The following SMG1 variants were observed in gnomAD, a reference collection of about 807,000 sequenced individuals.
The protein encoded by SMG1 is serine/threonine-protein kinase SMG1.
In SMG1, 22 loss-of-function variants were observed where a neutral mutation model predicts 419.9. The observed-to-expected ratio is 0.05, with a 90% CI of 0.04 to 0.07. The LOEUF is 0.07. Among genes scored for constraint, SMG1 ranks in the 10% least tolerant of loss-of-function variants. The probability of loss-of-function intolerance (pLI) is 1.00; values close to 1 mark genes in which losing one functional copy is unlikely to be tolerated. For missense variants in SMG1, 3,185 were observed against 4,342.0 expected (o/e 0.73, Z 7.49); for synonymous variants, 1,538 against 1,553.5 (o/e 0.99, Z 0.23).
In SMG1 at chr16:18,882,215, G is replaced by T. The variant is rs372333121; in HGVS notation, c.1243C>A (p.Arg415Ser). Residue 415 changes from arginine (R) to serine (S), a missense_variant, in exon 10 of 63, where the codon CGC (arginine) becomes AGC (serine). Physicochemically the swap from Arg to Ser is moderately radical, Grantham distance 110. Around this residue, in one of 27 missense-constraint regions of SMG1, gnomAD observed 52 missense variants for 69.0 expected, o/e 0.75. Transcript: ENST00000446231. ...GGAGGACCCCGAATTGGGCTGAAGC[G>T]TTCCCCAATGCTCCTCACCACAGTA... ...FSTVVRSIGE[R>S]FSPIRGPPIT... 4.4e-6 allele frequency: 7 copies of T among 1,601,080 alleles called. No homozygotes were observed. The highest frequency in any genetic ancestry group is 2.7e-5 in the African/African-American group (2 of 74,540).
intron 41 of SMG1, among the ~76,000 whole-genome samples, chr16:18,840,751 T>A (rs897457490): frequency 3.3e-5 from 5 of 152,212 alleles, no homozygotes; most frequent in African/African-American, 9.6e-5. Flanking sequence ...AAGCGATTAT[T>A]TACAAATTTA....
chr16:18,857,251 A>T (rs932613447), intron 29 of SMG1: 6 of 152,236 alleles, frequency 3.9e-5, no homozygotes, highest in Non-Finnish European at 8.8e-5. Context: ...TTCCACTAAA[A>T]CTGCACAGCA....
chr16:18,860,545 C>T lies in SMG1; in HGVS notation c.3805+122G>A, dbSNP rs1470801262. On this transcript the variant is annotated intron_variant, in intron 26 of 62. Transcript: ENST00000446231. Reference sequence around the variant, plus strand: ...GGGCAGCCCTAAATTTGTTGCTTCACATGGGATTCTGCCCCCACAAAAATG... The same window carrying T: ...GGGCAGCCCTAAATTTGTTGCTTCATATGGGATTCTGCCCCCACAAAAATG... 8.4e-6 allele frequency: 5 copies of T among 592,082 alleles called. No individual in the cohort carries two copies. The African/African-American group carries it at 9.6e-5, about 11-fold the overall frequency. 36.7% of individuals were successfully genotyped at this position (592,082 alleles called of 1,614,324 possible). A position where few individuals can be genotyped will look rare whatever the true frequency, so the allele number is the denominator to read the frequency against.
intron 1 of SMG1, among the ~76,000 whole-genome samples, chr16:18,920,827 A>G (rs1049334662): frequency 1.3e-5 from 2 of 151,524 alleles, no homozygotes; most frequent in Non-Finnish European, 2.9e-5. Flanking sequence ...GCAATGGAGT[A>G]AGACTCTGTT....
rs56079655 is a variant in SMG1 at position 18,835,107 on chromosome 16, G to A, written c.8115C>T (p.Ala2705=). 0.037 allele frequency: 59,194 copies of A among 1,613,816 alleles called. 1,282 individuals are homozygous for A. The highest frequency in any genetic ancestry group is 0.043 in the Non-Finnish European group (50,214 of 1,179,746). The change falls in exon 49 of 63, where the codon GCC becomes GCT. Residue 2705 remains alanine, a synonymous_variant. Transcript: ENST00000446231. The part of the protein sequence containing the change: ...PPPTVCQFIT[A]TEMTLQRYAA... Reference sequence around the variant, plus strand: ...CGTATCGCTGCAGGGTCATTTCAGTGGCAGTGATGAACTGACACACTGTTG... The same window carrying A: ...CGTATCGCTGCAGGGTCATTTCAGTAGCAGTGATGAACTGACACACTGTTG...
chr16:18,923,909 G>A (rs1210300955), intron 1 of SMG1, among the ~76,000 whole-genome samples: 1 of 151,996 alleles, frequency 6.6e-6, no homozygotes, highest in East Asian at 1.9e-4. Context: ...AAACACCCCA[G>A]GTATTTTTAT....
rs1261382285 is a variant in SMG1, at chr16:18,863,703, T to G, written c.3642A>C (p.Lys1214Asn). The change falls in exon 25 of 63, where the codon AAA (lysine) becomes AAC (asparagine). Residue 1214 changes from lysine (K) to asparagine (N), a missense_variant. Lys to Asn is a moderately conservative substitution (Grantham distance 94). This residue lies in a region of SMG1 where 120 missense variants were observed against 193.3 expected (regional missense o/e 0.62). Transcript: ENST00000446231. ...TGAGGGAAGTGCTACTGGTACTCTTTTTCAAGTCATGGATAGCGTTCTGCC... is the reference window on the plus strand; with the variant it reads ...TGAGGGAAGTGCTACTGGTACTCTTGTTCAAGTCATGGATAGCGTTCTGCC... ...QEWQNAIHDL[K>N]KSTSSTSLNL... The G allele has an allele frequency of 1.0e-5, 16 of 1,593,690 alleles. No homozygotes were observed. Among genetic ancestry groups the G allele is most frequent in the African/African-American group, 2.7e-5 (2 of 74,794 alleles).
chr16:18,875,841 A>G (rs917612827), intron 13 of SMG1: 1 of 489,722 alleles, frequency 2.0e-6, no homozygotes, highest in Non-Finnish European at 3.6e-6. Flanking sequence ...TTCTATAAGC[A>G]TGCTAGAGCA....
At chr16:18,864,570 G>A (rs150659878) in intron 23 of SMG1, among the ~76,000 whole-genome samples, 3,339 of 151,860 alleles carry the variant, frequency 0.022, 74 homozygotes, top group African/African-American at 0.059. Flanking sequence ...ATCATGGCTC[G>A]CTACAGCCTT....
rs1467630774 is a variant in SMG1, at chr16:18,916,412, G to A, written c.92+9538C>T. On this transcript the variant is annotated intron_variant, in intron 1 of 62. Coordinates refer to ENST00000446231, the MANE Select transcript of SMG1 (RefSeq NM_015092.5). ...CGCCTGTAGTCCCAGCTACTCGGGA[G>A]GCTGAGGCAGGAGAATGGCGTGAAC... Among the ~76,000 whole-genome samples the A allele has an allele frequency of 1.3e-5, 2 of 150,546 alleles. 1 individual carries two copies. Among genetic ancestry groups the A allele is most frequent in the East Asian group, 4.0e-4 (2 of 5,052 alleles).
At chr16:18,830,691 G>A (rs1300007375) in intron 51 of SMG1, among the ~76,000 whole-genome samples, 3 of 152,172 alleles carry the variant, frequency 2.0e-5, no homozygotes, top group Non-Finnish European at 2.9e-5. Flanking sequence ...TCAGGAGGCT[G>A]AGGCTAGGAG....
At chr16:18,870,981 C>T (rs949195100) in intron 16 of SMG1, 93 bp from the exon 17 acceptor site, 2 of 716,510 alleles carry the variant, frequency 2.8e-6, no homozygotes, top group African/African-American at 3.5e-5. Flanking sequence ...ATTCATTCAA[C>T]AAAGAGTGAG....
intron 39 of SMG1, among the ~76,000 whole-genome samples, chr16:18,843,622 C>T (rs1158007639): frequency 6.6e-6 from 1 of 152,116 alleles, no homozygotes; most frequent in African/African-American, 2.4e-5. Flanking sequence ...TGTTTAGCTA[C>T]ACAAACACAC....
Position 18,926,124 on chromosome 16 carries a change from C to T in SMG1, c.-83G>A, listed in dbSNP as rs1368726432. The T allele has an allele frequency of 3.9e-6, 5 of 1,266,256 alleles. No homozygotes were observed. The East Asian group carries it at 8.8e-5, about 22-fold the overall frequency. 78.4% of individuals were successfully genotyped at this position (1,266,256 alleles called of 1,614,324 possible). ...CCCGAACCGGCCGCCGCCGACACCC[C>T]GCTCCGGCCCGGGGCTGAGGAGGAA... On this transcript the variant is annotated 5_prime_UTR_variant, in exon 1 of 63. Transcript: ENST00000446231.
chr16:18,812,185 A>G, intron 60 of SMG1, 58 bp from the exon 61 acceptor site: 2 of 1,538,212 alleles, frequency 1.3e-6, no homozygotes, highest in South Asian at 2.5e-5. Context: ...GAGGGGGCAG[A>G]GTGGAGCAAG....
intron 29 of SMG1, 51 bp downstream of exon 29, chr16:18,858,119 T>A (rs756527615): frequency 2.7e-6 from 4 of 1,494,726 alleles, no homozygotes; most frequent in African/African-American, 2.8e-5. Flanking sequence ...AAGCAAAATT[T>A]AAAAAAAGAA....
At chr16:18,900,963 A>T (rs2037321886) in intron 1 of SMG1, among the ~76,000 whole-genome samples, 1 of 152,252 alleles carries the variant, frequency 6.6e-6, no homozygotes, top group African/African-American at 2.4e-5. Flanking sequence ...GTATCATTAC[A>T]TTAAAAACAC....
intron 33 of SMG1, 144 bp downstream of exon 33, chr16:18,851,923 C>T (rs2034625484): frequency 1.2e-6 from 1 of 862,806 alleles, no homozygotes. Flanking sequence ...ATATAACTCA[C>T]TTTCATCTTA....
intron 1 of SMG1, among the ~76,000 whole-genome samples, chr16:18,910,892 C>T (rs2037766790): frequency 6.6e-6 from 1 of 152,080 alleles, no homozygotes; most frequent in Non-Finnish European, 1.5e-5. Flanking sequence ...GGGAAAAAAG[C>T]AATTCATCGT....
Sources: gnomAD v4.1 joint callset for allele counts (sites outside exome capture counted in the v4.1 genomes callset) on GRCh38, gnomAD v4.1.1 for gene constraint, gnomAD v4.1.1 regional missense constraint, MANE v1.5 for transcripts, NCBI Gene and HGNC (gene_info 2026-07-23, HGNC 2026-07-21) for gene names.